The following CREG1 variants were observed in gnomAD, a reference collection of about 807,000 sequenced individuals.
CREG1 encodes the protein protein CREG1.
In CREG1, 20 loss-of-function variants were observed where a neutral mutation model predicts 19.9. The ratio of observed to expected loss-of-function variants is 1.01; its 90% CI spans 0.71 to 1.46. The LOEUF (loss-of-function observed/expected upper bound fraction) is 1.46. Ranked by LOEUF, CREG1 falls within the 40% of genes most tolerant of loss-of-function variation. The probability of loss-of-function intolerance (pLI) is 0.00; values close to 1 mark genes in which losing one functional copy is unlikely to be tolerated. For synonymous variants in CREG1, 141 were observed against 143.3 expected (o/e 0.98, Z 0.12); for missense variants, 290 against 314.9 (o/e 0.92, Z 0.60).
At chr1:167,546,687 G>A (rs1004673788) in intron 2 of CREG1, among the ~76,000 whole-genome samples, 1 of 152,016 alleles carries the variant, frequency 6.6e-6, no homozygotes, top group Non-Finnish European at 1.5e-5. Context: ...TAAATCCTAA[G>A]AGTTTACTTA....
chr1:167,541,356 T>G lies in CREG1; in HGVS notation c.*942A>C, dbSNP rs1168169764. 6.6e-6 allele frequency: 1 copy of G among 152,202 alleles called. No individual in the cohort carries two copies. Among genetic ancestry groups the G allele is most frequent in the Non-Finnish European group, 1.5e-5 (1 of 68,040 alleles). 9.4% of individuals were successfully genotyped at this position (152,202 alleles called of 1,614,324 possible). On this transcript the variant is annotated 3_prime_UTR_variant, in exon 4 of 4. Transcript: ENST00000370509. The stretch of plus-strand genomic sequence containing the variant: ...TAGATTGTAGCAGCACTAGAAGCTA[T>G]TAAGAGATTTGGGGCAGTTGAGGAA...
chr1:167,543,515 C>A (rs369858926), intron 3 of CREG1, among the ~76,000 whole-genome samples: 4 of 152,340 alleles, frequency 2.6e-5, no homozygotes, highest in African/African-American at 9.6e-5. Context: ...AAGGTGGCTG[C>A]CAATGTGGGG....
intron 2 of CREG1, among the ~76,000 whole-genome samples, chr1:167,546,539 G>A (rs1656328905): frequency 6.6e-6 from 1 of 152,142 alleles, no homozygotes; most frequent in South Asian, 2.1e-4. Flanking sequence ...CTACTCAGGA[G>A]GCTGAGGCAG....
rs1408769034 is a variant in CREG1, at chr1:167,542,020, T to C, written c.*278A>G. 3.1e-6 allele frequency: 1 copy of C among 325,654 alleles called. No homozygotes were observed. Among genetic ancestry groups the C allele is most frequent in the Non-Finnish European group, 5.6e-6 (1 of 177,918 alleles). The allele number at this position is 325,654 out of a possible 1,614,324, so 20.2% of individuals were successfully genotyped here. A position where few individuals can be genotyped will look rare whatever the true frequency, so the allele number is the denominator to read the frequency against. ...GCACCACTGGAAACATCTTTGGAAT[T>C]GATGGGACAAAACTTATTTGATTAT... On this transcript the variant is annotated 3_prime_UTR_variant, in exon 4 of 4. Transcript: ENST00000370509.
In CREG1 at chr1:167,541,244, A is replaced by G. The variant is rs1317041681; in HGVS notation, c.*1054T>C. 1 of 152,190 alleles carries G rather than the reference A, an allele frequency of 6.6e-6. No individual in the cohort carries two copies. The highest frequency in any genetic ancestry group is 1.5e-5 in the Non-Finnish European group (1 of 68,028). The allele number at this position is 152,190 out of a possible 1,614,324, so 9.4% of individuals were successfully genotyped here. On this transcript the variant is annotated 3_prime_UTR_variant, in exon 4 of 4. Coordinates refer to ENST00000370509, the MANE Select transcript of CREG1 (RefSeq NM_003851.3). ...GAATCTTATGTCATCTTCTGAAATC[A>G]TGTATATGGGTAATAATATTAGTGT...
chr1:167,548,435 A>G (rs1023422089), intron 1 of CREG1, among the ~76,000 whole-genome samples: 6 of 152,212 alleles, frequency 3.9e-5, no homozygotes, highest in African/African-American at 1.4e-4. Flanking sequence ...CCCAAATTCA[A>G]GGCTGTTCTA....
chr1:167,548,357 T>C (rs1407339432), intron 1 of CREG1, among the ~76,000 whole-genome samples: 21 of 152,200 alleles, frequency 1.4e-4, no homozygotes. Context: ...AAAAATTATT[T>C]CAATATTCTT....
chr1:167,546,116 T>A lies in CREG1; in HGVS notation c.644A>T (p.Tyr215Phe). ...GPKIVTPEEY[Y>F]NVTVQ ...AAGTACTTACTGAACTGTGACATTA[T>A]AATATTCTTCTGGTGTCACGATTTT... The change falls in exon 3 of 4, where the codon TAT (tyrosine) becomes TTT (phenylalanine). Residue 215 changes from tyrosine (Y) to phenylalanine (F), a missense_variant. Tyr to Phe is a conservative substitution (Grantham distance 22). Transcript: ENST00000370509. The A allele has an allele frequency of 2.5e-6, 4 of 1,604,728 alleles. No homozygotes were observed. The highest frequency in any genetic ancestry group is 2.6e-6 in the Non-Finnish European group (3 of 1,176,296).
chr1:167,545,786 C>G (rs1017193575), intron 3 of CREG1, among the ~76,000 whole-genome samples: 1 of 151,440 alleles, frequency 6.6e-6, no homozygotes, highest in Admixed American at 6.6e-5. Flanking sequence ...GCCTGGGTGA[C>G]AGAGTAAGAC....
chr1:167,548,174 T>C (rs369944597), intron 1 of CREG1, 53 bp from the exon 2 acceptor site: 2 of 1,508,154 alleles, frequency 1.3e-6, no homozygotes, highest in Non-Finnish European at 1.8e-6. Context: ...TCTGGAGAGG[T>C]AATAAATTTC....
At chr1:167,543,846 G>C (rs1289696049) in intron 3 of CREG1, among the ~76,000 whole-genome samples, 1 of 152,230 alleles carries the variant, frequency 6.6e-6, no homozygotes, top group Non-Finnish European at 1.5e-5. Context: ...CTGCAGAGAA[G>C]TGCTCCTTTG....
At position 167,541,454 on chromosome 1, in the gene CREG1, C is replaced by T. The variant is rs572030806; in HGVS notation, c.*844G>A. On this transcript the variant is annotated 3_prime_UTR_variant, in exon 4 of 4. Coordinates refer to ENST00000370509, the MANE Select transcript of CREG1 (RefSeq NM_003851.3). ...GAGTGGTTTGGGAGGGGATTTTGTCCCTGGCTGAAGCTGGTCCATGCCTGG... is the reference window on the plus strand; with the variant it reads ...GAGTGGTTTGGGAGGGGATTTTGTCTCTGGCTGAAGCTGGTCCATGCCTGG... 4.6e-5 allele frequency: 7 copies of T among 152,072 alleles called. No homozygotes were observed. The East Asian group carries it at 1.4e-3, about 29-fold the overall frequency. 9.4% of individuals were successfully genotyped at this position (152,072 alleles called of 1,614,324 possible). A position where few individuals can be genotyped will look rare whatever the true frequency, so the allele number is the denominator to read the frequency against.
intron 1 of CREG1, among the ~76,000 whole-genome samples, chr1:167,550,558 G>A (rs1179069908): frequency 6.6e-6 from 1 of 152,142 alleles, no homozygotes; most frequent in Non-Finnish European, 1.5e-5. Flanking sequence ...AAAACTGTCA[G>A]GACTTGGGAA....
chr1:167,550,842 C>G (rs1262116995), intron 1 of CREG1, among the ~76,000 whole-genome samples: 1 of 151,952 alleles, frequency 6.6e-6, no homozygotes, highest in Non-Finnish European at 1.5e-5. Context: ...AGAGTGTATA[C>G]AATCTTCTGA....
At chr1:167,542,347 C>T in intron 3 of CREG1, 46 bp from the exon 4 acceptor site, 1 of 1,562,376 alleles carries the variant, frequency 6.4e-7, no homozygotes, top group Non-Finnish European at 8.7e-7. Context: ...ACTGGGTTAA[C>T]AAATCTTAAA....
intron 3 of CREG1, among the ~76,000 whole-genome samples, chr1:167,542,976 G>A (rs575548508): frequency 6.6e-6 from 1 of 152,114 alleles, no homozygotes; most frequent in Non-Finnish European, 1.5e-5. Context: ...GGGCGGGCGC[G>A]GTGGCTCACA....
At chr1:167,548,249 CA>C in intron 1 of CREG1, 128 bp from the exon 2 acceptor site, 1 of 629,916 alleles carries the variant, frequency 1.6e-6, no homozygotes, top group Non-Finnish European at 2.7e-6. Context: ...AATCATAAAA[CA>C]TCACCTTCCA....
At chr1:167,546,801 G>T (rs1230469145) in intron 2 of CREG1, among the ~76,000 whole-genome samples, 1 of 152,258 alleles carries the variant, frequency 6.6e-6, no homozygotes, top group African/African-American at 2.4e-5. Flanking sequence ...CAGATACCAC[G>T]AAGTGGGAAA....
chr1:167,543,049 C>A (rs927114350), intron 3 of CREG1, among the ~76,000 whole-genome samples: 13 of 152,056 alleles, frequency 8.5e-5, no homozygotes, highest in African/African-American at 3.1e-4. Context: ...AGATTGAGAC[C>A]ATCCTGGCTG....
Sources: gnomAD v4.1 joint callset for allele counts (sites outside exome capture counted in the v4.1 genomes callset) on GRCh38, gnomAD v4.1.1 for gene constraint, MANE v1.5 for transcripts, NCBI Gene and HGNC (gene_info 2026-07-23, HGNC 2026-07-21) for gene names.